CNTNAP5: variants seen among roughly 807,000 people sequenced by gnomAD.
CNTNAP5 encodes contactin associated protein family member 5.
A neutral mutation model predicts 150.2 loss-of-function variants in CNTNAP5; 72 were observed. That is an observed-to-expected ratio of 0.48 (90% CI 0.40 to 0.58). CNTNAP5 has a LOEUF of 0.58. CNTNAP5 is among the 20% of genes least tolerant of loss of function. CNTNAP5 has a pLI of 0.00. For missense variants in CNTNAP5, 1,636 were observed against 1,626.2 expected (o/e 1.01, Z -0.10); for synonymous variants, 672 against 619.8 (o/e 1.08, Z -1.25).
At chr2:124,358,633 C>T (rs1412930264) in intron 3 of CNTNAP5, among the ~76,000 whole-genome samples, 2 of 152,188 alleles carry the variant, frequency 1.3e-5, no homozygotes, top group East Asian at 3.9e-4. Flanking sequence ...TTGAACCAGC[C>T]TTGCATCCCA....
intron 2 of CNTNAP5, among the ~76,000 whole-genome samples, chr2:124,234,533 C>G (rs1025909828): frequency 6.6e-6 from 1 of 152,176 alleles, no homozygotes; most frequent in African/African-American, 2.4e-5. Context: ...GTTTTATATA[C>G]ATGACACTCC....
chr2:124,475,659 A>G lies in CNTNAP5; in HGVS notation c.1062+777A>G, dbSNP rs113893426. ...TATATAATATTATTATTTGTCTCTGATAACTCTCTTTGCTCTGAAGTGTGT... is the reference window on the plus strand; with the variant it reads ...TATATAATATTATTATTTGTCTCTGGTAACTCTCTTTGCTCTGAAGTGTGT... On this transcript the variant is annotated intron_variant, in intron 7 of 23. Coordinates refer to ENST00000682447, the MANE Select transcript of CNTNAP5 (RefSeq NM_001367498.1). 4.0e-4 allele frequency among the ~76,000 whole-genome samples: 61 copies of G among 152,146 alleles called. 2 individuals are homozygous for G. Among genetic ancestry groups the G allele is most frequent in the African/African-American group, 1.4e-3 (59 of 41,544 alleles).
chr2:124,509,861 G>T lies in CNTNAP5; in HGVS notation c.1327+5305G>T, dbSNP rs374398230. Among the ~76,000 whole-genome samples the T allele has an allele frequency of 2.0e-5, 3 of 152,068 alleles. No homozygotes were observed. In the East Asian group the frequency reaches 5.8e-4, roughly 29 times the overall value. Reference sequence around the variant, plus strand: ...TTATACAAGAATAAGACTTGGATAAGACCTTGGGATTCACACTAGATTGGA... The same window carrying T: ...TTATACAAGAATAAGACTTGGATAATACCTTGGGATTCACACTAGATTGGA... On this transcript the variant is annotated intron_variant, in intron 8 of 23. Coordinates refer to ENST00000682447, the MANE Select transcript of CNTNAP5 (RefSeq NM_001367498.1).
At chr2:124,075,282 G>A (rs1403847723) in intron 1 of CNTNAP5, among the ~76,000 whole-genome samples, 2 of 151,976 alleles carry the variant, frequency 1.3e-5, no homozygotes, top group Non-Finnish European at 2.9e-5. Context: ...AATCCTTGGT[G>A]ACCTGTCATA....
chr2:124,734,318 T>C (rs1280205858), intron 13 of CNTNAP5, among the ~76,000 whole-genome samples: 1 of 151,724 alleles, frequency 6.6e-6, no homozygotes, highest in Non-Finnish European at 1.5e-5. Flanking sequence ...TGGAAACAAA[T>C]GAAAAGTGAG....
At chr2:124,793,778 G>C (rs1681786887) in intron 18 of CNTNAP5, among the ~76,000 whole-genome samples, 1 of 152,104 alleles carries the variant, frequency 6.6e-6, no homozygotes, top group Non-Finnish European at 1.5e-5. Flanking sequence ...TGTGTTTGTT[G>C]TTAGCTCTCT....
At chr2:124,808,776 T>C (rs1053130372) in intron 19 of CNTNAP5, among the ~76,000 whole-genome samples, 2 of 152,120 alleles carry the variant, frequency 1.3e-5, no homozygotes, top group African/African-American at 4.8e-5. Context: ...AGTTTTCCTG[T>C]TCAGGCTAAT....
chr2:124,344,569 A>C (rs986911441), intron 3 of CNTNAP5, among the ~76,000 whole-genome samples: 3 of 152,084 alleles, frequency 2.0e-5, no homozygotes, highest in African/African-American at 2.4e-5. Flanking sequence ...CAGGAATTTA[A>C]GACCAGCCTG....
intron 1 of CNTNAP5, among the ~76,000 whole-genome samples, chr2:124,199,790 A>G (rs1187058029): frequency 6.6e-6 from 1 of 152,184 alleles, no homozygotes; most frequent in African/African-American, 2.4e-5. Flanking sequence ...TAGCTGGTGT[A>G]TCTAAACACA....
chr2:124,119,980 G>C (rs1001283894), intron 1 of CNTNAP5, among the ~76,000 whole-genome samples: 1 of 152,136 alleles, frequency 6.6e-6, no homozygotes, highest in Non-Finnish European at 1.5e-5. Context: ...TTATGACTGG[G>C]TTCCACCTCA....
chr2:124,706,964 GAGA>G (rs1325854574), intron 13 of CNTNAP5, among the ~76,000 whole-genome samples: 17 of 66,060 alleles, frequency 2.6e-4, no homozygotes, highest in African/African-American at 8.6e-4. Context: ...GGAGGAGGAG[GAGA>G]AGAGGAAGAG....
At chr2:124,170,114 C>T (rs941171800) in intron 1 of CNTNAP5, among the ~76,000 whole-genome samples, 6 of 152,070 alleles carry the variant, frequency 3.9e-5, no homozygotes, top group Non-Finnish European at 8.8e-5. Flanking sequence ...GCAGGGTAAT[C>T]ATCTACAACA....
chr2:124,824,715 C>T (rs761295449), intron 19 of CNTNAP5, among the ~76,000 whole-genome samples: 11 of 152,174 alleles, frequency 7.2e-5, no homozygotes, highest in South Asian at 4.1e-4. Context: ...AAGCAGAGCA[C>T]GATCAGTAGT....
chr2:124,643,785 G>T (rs1215211074), intron 12 of CNTNAP5, among the ~76,000 whole-genome samples: 1 of 152,204 alleles, frequency 6.6e-6, no homozygotes, highest in African/African-American at 2.4e-5. Context: ...CCTCAGAAAT[G>T]TTATGAAACT....
At chr2:124,417,419 C>T (rs188441641) in intron 3 of CNTNAP5, 24 bp from the exon 4 acceptor site, 2 of 1,609,008 alleles carry the variant, frequency 1.2e-6, no homozygotes, top group East Asian at 2.2e-5. Context: ...ACAGACCTCA[C>T]TGCCTCTCCT....
At chr2:124,173,577 C>T (rs929567178) in intron 1 of CNTNAP5, among the ~76,000 whole-genome samples, 6 of 152,208 alleles carry the variant, frequency 3.9e-5, no homozygotes, top group Non-Finnish European at 8.8e-5. Context: ...AGAGAAAAGC[C>T]TTAACTCCTT....
intron 7 of CNTNAP5, 42 bp downstream of exon 7, chr2:124,474,924 T>C: frequency 6.4e-7 from 1 of 1,560,416 alleles, no homozygotes; most frequent in Non-Finnish European, 8.6e-7. Flanking sequence ...TTTCTACCAC[T>C]TTGGGGTAAG....
intron 1 of CNTNAP5, among the ~76,000 whole-genome samples, chr2:124,028,796 T>C (rs1680965148): frequency 6.6e-6 from 1 of 152,262 alleles, no homozygotes; most frequent in South Asian, 2.1e-4. Context: ...ACCTATTATG[T>C]TATTCAACCT....
At chr2:124,157,495 A>G (rs946417274) in intron 1 of CNTNAP5, among the ~76,000 whole-genome samples, 1 of 152,146 alleles carries the variant, frequency 6.6e-6, no homozygotes, top group Non-Finnish European at 1.5e-5. Context: ...TCAGTATTCC[A>G]TCTTTATGGT....
Sources: gnomAD v4.1 joint callset for allele counts (sites outside exome capture counted in the v4.1 genomes callset) on GRCh38, gnomAD v4.1.1 for gene constraint, MANE v1.5 for transcripts, NCBI Gene and HGNC (gene_info 2026-07-23, HGNC 2026-07-21) for gene names.